Variants in HLA-G observed in about 807,000 individuals in gnomAD.
HLA-G encodes HLA class I histocompatibility antigen, alpha chain G.
Under a neutral mutation model 39.3 loss-of-function variants are expected in HLA-G, and 34 were observed. The ratio of observed to expected loss-of-function variants is 0.86; its 90% CI spans 0.66 to 1.15. The LOEUF is 1.15. Ranked by LOEUF, HLA-G falls within the 50% of genes most tolerant of loss-of-function variation. HLA-G has a pLI of 0.00. For synonymous variants in HLA-G, 183 were observed against 185.8 expected, an observed-to-expected ratio of 0.99 and a Z score of 0.12; for missense variants, 419 against 456.4, an observed-to-expected ratio of 0.92 and a Z score of 0.75.
chr6:29,830,500 C>CTGACCACAGGAGATG, intron 6 of HLA-G, 90 bp downstream of exon 6: 2 of 1,096,722 alleles, frequency 1.8e-6, no homozygotes, highest in Non-Finnish European at 1.4e-6. Flanking sequence ...AATTCCTCCT[C>CTGACCACAGGAGATG]TGGCCACATC....
upstream of HLA-G, chr6:29,826,995 T>A (rs746041977): frequency 3.8e-6 from 2 of 523,040 alleles, no homozygotes; most frequent in South Asian, 2.9e-5. Context: ...GTACTTTGTC[T>A]TGAGGAGATG....
rs1315541020 is a variant in HLA-G at position 29,828,518 on chromosome 6, G to C, written c.344-25G>C. On this transcript the variant is annotated intron_variant, in intron 2 of 6. Coordinates refer to ENST00000360323, the MANE Select transcript of HLA-G (RefSeq NM_001384290.1). ...GGGCGAGGGCGAGGCTCGGTGGGCG[G>C]GGCTGACCGAGGGGGTGGGGCCAGG... The C allele has an allele frequency of 2.5e-6, 4 of 1,606,722 alleles. No individual in the cohort carries two copies. In the African/African-American group the frequency reaches 5.3e-5, roughly 21 times the overall value.
rs76951509 is a variant in HLA-G, at chr6:29,829,644, G to A, written c.846G>A (p.Thr282=). ...VVPSGEEQRY[T]CHVQHEGLPE... is the part of the protein sequence containing the mutation. ...CTTCTGGAGAGGAGCAGAGATACACGTGCCATGTGCAGCATGAGGGGCTGC... is the reference window on the plus strand; with the variant it reads ...CTTCTGGAGAGGAGCAGAGATACACATGCCATGTGCAGCATGAGGGGCTGC... The change falls in exon 4 of 7, where the codon ACG becomes ACA. Residue 282 remains threonine (T), a synonymous_variant. Transcript: ENST00000360323. The A allele has an allele frequency of 3.7e-4, 595 of 1,614,016 alleles. 3 individuals carry two copies. The African/African-American group carries it at 6.4e-3, about 17-fold the overall frequency.
At chr6:29,828,375 G>T in intron 2 of HLA-G, 59 bp downstream of exon 2, 1 of 1,564,410 alleles carries the variant, frequency 6.4e-7, no homozygotes, top group Non-Finnish European at 8.7e-7. Flanking sequence ...CCCACGGACG[G>T]CCCGGGTACT....
Position 29,828,759 on chromosome 6 carries a change from C to T in HLA-G, c.560C>T (p.Thr187Met), listed in dbSNP as rs113468225. The T allele has an allele frequency of 6.2e-7, 1 of 1,613,914 alleles. No individual in the cohort carries two copies. Among genetic ancestry groups the T allele is most frequent in the South Asian group, 1.1e-5 (1 of 91,076 alleles). ...AEQRRAYLEG[T>M]CVEWLHRYLE... ...CAAAGGAGAGCCTACCTGGAGGGCA[C>T]GTGCGTGGAGTGGCTCCACAGATAC... The change falls in exon 3 of 7, where the codon ACG (threonine) becomes ATG (methionine). Residue 187 changes from threonine (T) to methionine (M), a missense_variant. Around this residue, in one of 2 missense-constraint regions of HLA-G, gnomAD observed 328 missense variants for 323.0 expected, o/e 1.02. Transcript: ENST00000360323.
intron 5 of HLA-G, 44 bp from the exon 6 acceptor site, chr6:29,830,334 C>T (rs1320890202): frequency 6.2e-7 from 1 of 1,611,528 alleles, no homozygotes; most frequent in Non-Finnish European, 8.5e-7. Context: ...ACCTCATGGC[C>T]CTGCCACCTT....
Position 29,828,712 on chromosome 6 carries a change from T to C in HLA-G, c.513T>C (p.Cys171=). The C allele has an allele frequency of 6.2e-7, 1 of 1,613,524 alleles. No individual in the cohort carries two copies. Among genetic ancestry groups the C allele is most frequent in the South Asian group, 1.1e-5 (1 of 91,082 alleles). ...DTAAQISKRK[C]EAANVAEQRR... ...CGGCTCAGATCTCCAAGCGCAAGTG[T>C]GAGGCGGCCAATGTGGCTGAACAAA... Residue 171 remains cysteine (C), a synonymous_variant, in exon 3 of 7, where the codon TGT becomes TGC. Coordinates refer to ENST00000360323, the MANE Select transcript of HLA-G (RefSeq NM_001384290.1).
rs780485826 is a variant in HLA-G, at chr6:29,828,733, A to G, written c.534A>G (p.Glu178=). Residue 178 remains glutamate (E), a synonymous_variant, in exon 3 of 7, where the codon GAA becomes GAG. Coordinates refer to ENST00000360323, the MANE Select transcript of HLA-G (RefSeq NM_001384290.1). ...KRKCEAANVA[E]QRRAYLEGTC... is the part of the protein sequence containing the mutation. ...AGTGTGAGGCGGCCAATGTGGCTGA[A>G]CAAAGGAGAGCCTACCTGGAGGGCA... 3.7e-6 allele frequency: 6 copies of G among 1,613,680 alleles called. No homozygotes were observed. The highest frequency in any genetic ancestry group is 3.3e-5 in the South Asian group (3 of 91,084).
Position 29,830,994 on chromosome 6 carries a change from T to G in HLA-G, c.*255T>G. 5.5e-6 allele frequency: 1 copy of G among 182,332 alleles called. No individual in the cohort carries two copies. Among genetic ancestry groups the G allele is most frequent in the Non-Finnish European group, 1.2e-5 (1 of 83,786 alleles). 11.3% of individuals were successfully genotyped at this position (182,332 alleles called of 1,614,324 possible). A position where few individuals can be genotyped will look rare whatever the true frequency, so the allele number is the denominator to read the frequency against. On this transcript the variant is annotated 3_prime_UTR_variant, in exon 7 of 7. Transcript: ENST00000360323. ...GGTCCACTGAGCTATAACTTACTTCTGTATTAAAATTAGAATCTGAGTATA... is the reference window on the plus strand; with the variant it reads ...GGTCCACTGAGCTATAACTTACTTCGGTATTAAAATTAGAATCTGAGTATA...
At position 29,828,332 on chromosome 6, in the gene HLA-G, C is replaced by A; in HGVS notation, c.343+16C>A. 6.3e-7 allele frequency: 1 copy of A among 1,594,478 alleles called. No homozygotes were observed. Among genetic ancestry groups the A allele is most frequent in the Non-Finnish European group, 8.5e-7 (1 of 1,172,110 alleles). ...AGCGAGGCCAGTGAGTAACTCCGGC[C>A]CAGGGAGCAGATCACGACCCCCACC... On this transcript the variant is annotated intron_variant, in intron 2 of 6. Coordinates refer to ENST00000360323, the MANE Select transcript of HLA-G (RefSeq NM_001384290.1).
upstream of HLA-G, chr6:29,827,786 G>C (rs752110494): frequency 1.3e-6 from 2 of 1,530,228 alleles, no homozygotes; most frequent in Non-Finnish European, 1.8e-6. Flanking sequence ...GCGTCGCCGC[G>C]GTCCTGGTTC....
At position 29,827,861 on chromosome 6, in the gene HLA-G, C is replaced by A. The variant is rs1202227237; in HGVS notation, c.17C>A (p.Pro6His). The A allele has an allele frequency of 6.2e-7, 1 of 1,613,488 alleles. No homozygotes were observed. The highest frequency in any genetic ancestry group is 1.7e-5 in the Admixed American group (1 of 60,002). Residue 6 changes from proline to histidine, a missense_variant, in exon 1 of 7, where the codon CCC (proline) becomes CAC (histidine). Physicochemically the swap from Pro to His is moderately conservative, Grantham distance 77 (BLOSUM62 -2). Transcript: ENST00000360323. ...ACGCCAAGGATGGTGGTCATGGCGC[C>A]CCGAACCCTCTTCCTGCTGCTCTCG... is the stretch of plus-strand genomic sequence containing the variant. MVVMA[P>H]RTLFLLLSGA...
Position 29,828,071 on chromosome 6 carries a change from G to GCGC in HLA-G, c.104_106dup (p.Ala35dup). ...GGCTCCCACTCCATGAGGTATTTCA[G>GCGC]CGCCGCCGTGTCCCGGCCCGGCCGC... On this transcript the variant is annotated inframe_insertion, in exon 2 of 7. Transcript: ENST00000360323. 13 of 1,580,880 alleles carry GCGC rather than the reference G, an allele frequency of 8.2e-6. No individual in the cohort carries two copies. Among genetic ancestry groups the GCGC allele is most frequent in the Non-Finnish European group, 1.1e-5 (13 of 1,165,908 alleles).
In HLA-G at chr6:29,829,428, G is replaced by A; in HGVS notation, c.630G>A (p.Lys210=). ...GACTCTTCCTTTCAGACCCCCCCAA[G>A]ACACACGTGACCCACCACCCTGTCT... ...KEMLQRADPP[K]THVTHHPVFD... is the part of the protein sequence containing the mutation. Residue 210 remains lysine, a synonymous_variant, in exon 4 of 7, where the codon AAG becomes AAA. Coordinates refer to ENST00000360323, the MANE Select transcript of HLA-G (RefSeq NM_001384290.1). The A allele has an allele frequency of 6.2e-7, 1 of 1,613,656 alleles. No individual in the cohort carries two copies. The highest frequency in any genetic ancestry group is 8.5e-7 in the Non-Finnish European group (1 of 1,179,702).
chr6:29,826,986 T>C (rs1251738712), upstream of HLA-G: 17 of 517,926 alleles, frequency 3.3e-5, no homozygotes, highest in African/African-American at 1.9e-4. Flanking sequence ...CATAGTGTGG[T>C]ACTTTGTCTT....
chr6:29,828,699 C>T lies in HLA-G; in HGVS notation c.500C>T (p.Ser167Phe). The change falls in exon 3 of 7, where the codon TCC becomes TTC. Residue 167 changes from serine to phenylalanine, a missense_variant. Coordinates refer to ENST00000360323, the MANE Select transcript of HLA-G (RefSeq NM_001384290.1). ...WTAADTAAQI[S>F]KRKCEAANVA... Reference sequence around the variant, plus strand: ...GCAGCGGACACTGCGGCTCAGATCTCCAAGCGCAAGTGTGAGGCGGCCAAT... The same window carrying T: ...GCAGCGGACACTGCGGCTCAGATCTTCAAGCGCAAGTGTGAGGCGGCCAAT... 2.5e-6 allele frequency: 4 copies of T among 1,613,744 alleles called. No homozygotes were observed. The South Asian group carries it at 4.4e-5, about 18-fold the overall frequency.
chr6:29,826,690 G>A (rs3823321), upstream of HLA-G, among the ~76,000 whole-genome samples: 22,120 of 152,168 alleles, frequency 0.15, 1,959 homozygotes, highest in East Asian at 0.3. Flanking sequence ...TAAACACATT[G>A]TTTTATAGAT....
chr6:29,829,168 C>T (rs1330616942), intron 3 of HLA-G, among the ~76,000 whole-genome samples: 1 of 152,094 alleles, frequency 6.6e-6, no homozygotes, highest in Non-Finnish European at 1.5e-5. Context: ...GGTCTGACTC[C>T]AGCTCCTCTG....
chr6:29,826,663 A>G (rs1760712359), upstream of HLA-G, among the ~76,000 whole-genome samples: 1 of 152,218 alleles, frequency 6.6e-6, no homozygotes, highest in African/African-American at 2.4e-5. Context: ...ATTCCAAAGC[A>G]GCAGAACTCT....
Sources: allele counts gnomAD v4.1 joint callset (sites outside exome capture counted in the v4.1 genomes callset), GRCh38; gene constraint gnomAD v4.1.1; regional missense constraint gnomAD v4.1.1; transcripts MANE v1.5; gene names NCBI Gene and HGNC (gene_info 2026-07-23, HGNC 2026-07-21).